Variants in DENND5A observed in about 807,000 individuals in gnomAD.
The protein encoded by DENND5A is DENN domain-containing protein 5A.
A neutral mutation model predicts 140.3 loss-of-function variants in DENND5A; 64 were observed. The ratio of observed to expected loss-of-function variants is 0.46; its 90% CI spans 0.37 to 0.56. DENND5A has a LOEUF of 0.56. Among genes scored for constraint, DENND5A ranks in the 20% least tolerant of loss-of-function variants. The pLI is 0.00. For synonymous variants in DENND5A, 605 were observed against 607.7 expected, an observed-to-expected ratio of 1.00 and a Z score of 0.07; for missense variants, 1,292 against 1,593.8, an observed-to-expected ratio of 0.81 and a Z score of 3.22.
chr11:9,254,622 G>C (rs1851867654), intron 1 of DENND5A, among the ~76,000 whole-genome samples: 1 of 152,138 alleles, frequency 6.6e-6, no homozygotes, highest in African/African-American at 2.4e-5. Context: ...ATGACCACAA[G>C]AATCTGCCCA....
intron 1 of DENND5A, among the ~76,000 whole-genome samples, chr11:9,233,976 G>A (rs1176568659): frequency 6.6e-6 from 1 of 151,898 alleles, no homozygotes; most frequent in Non-Finnish European, 1.5e-5. Flanking sequence ...TCAGGAGTTC[G>A]AGACCAGCCT....
At chr11:9,165,629 T>G (rs2136148997) in intron 11 of DENND5A, among the ~76,000 whole-genome samples, 1 of 152,276 alleles carries the variant, frequency 6.6e-6, no homozygotes, top group South Asian at 2.1e-4. Context: ...AGACAGGATC[T>G]CACTACGTTC....
intron 4 of DENND5A, among the ~76,000 whole-genome samples, chr11:9,195,065 A>G (rs1849275829): frequency 6.9e-6 from 1 of 145,076 alleles, no homozygotes; most frequent in East Asian, 2.1e-4. Context: ...TGGTACAGCC[A>G]ATAAAATTGA....
intron 8 of DENND5A, among the ~76,000 whole-genome samples, chr11:9,177,382 T>C (rs750981778): frequency 6.6e-6 from 1 of 151,324 alleles, no homozygotes; most frequent in African/African-American, 2.4e-5. Context: ...CTGGGTGTGG[T>C]GGTTCATGCG....
chr11:9,247,162 G>A lies in DENND5A; in HGVS notation c.109+17799C>T, dbSNP rs569516702. Among the ~76,000 whole-genome samples, 18 of 151,836 alleles carry A rather than the reference G, an allele frequency of 1.2e-4. No homozygotes were observed. The South Asian group carries it at 1.9e-3, about 16-fold the overall frequency. On this transcript the variant is annotated intron_variant, in intron 1 of 22. Transcript: ENST00000328194. ...GGAGAACGGCGTGAACCCGGGAGGC[G>A]GAGCTTGCAGTGAGCCGAGATCGTG... is the stretch of plus-strand genomic sequence containing the variant.
chr11:9,186,671 A>G (rs1275828006), intron 5 of DENND5A, among the ~76,000 whole-genome samples: 1 of 152,242 alleles, frequency 6.6e-6, no homozygotes, highest in East Asian at 1.9e-4. Flanking sequence ...TAGAGAAGAA[A>G]TATGCCCATG....
chr11:9,163,526 G>C (rs1848062693), intron 11 of DENND5A, among the ~76,000 whole-genome samples: 1 of 152,050 alleles, frequency 6.6e-6, no homozygotes, highest in South Asian at 2.1e-4. Flanking sequence ...GTCCAGGCCA[G>C]TTGTGCAGTG....
intron 5 of DENND5A, among the ~76,000 whole-genome samples, chr11:9,193,096 C>T (rs1849196204): frequency 6.6e-6 from 1 of 152,120 alleles, no homozygotes; most frequent in Non-Finnish European, 1.5e-5. Context: ...GGCATCGTGG[C>T]ACACTCCTTT....
intron 1 of DENND5A, among the ~76,000 whole-genome samples, chr11:9,251,138 C>CAAAAAAA (rs887593530): frequency 2.2e-5 from 2 of 89,990 alleles, no homozygotes; most frequent in East Asian, 4.7e-4. Flanking sequence ...CCATCTCAAA[C>CAAAAAAA]AAAAAAAAAA....
chr11:9,207,410 C>T, intron 2 of DENND5A, 151 bp downstream of exon 2: 1 of 586,082 alleles, frequency 1.7e-6, no homozygotes. Flanking sequence ...CCAAAGAACC[C>T]ACCACCTAGA....
chr11:9,208,330 G>C (rs186443613), intron 1 of DENND5A, among the ~76,000 whole-genome samples: 14 of 152,344 alleles, frequency 9.2e-5, no homozygotes, highest in Admixed American at 8.5e-4. Context: ...ACAGGGTCCT[G>C]TTTGCGTGTG....
chr11:9,227,113 A>C lies in DENND5A; in HGVS notation c.110-19481T>G, dbSNP rs139408937. Among the ~76,000 whole-genome samples, 698 of 152,158 alleles carry C rather than the reference A, an allele frequency of 4.6e-3. 6 individuals carry two copies. The highest frequency in any genetic ancestry group is 0.016 in the African/African-American group (671 of 41,518). On this transcript the variant is annotated intron_variant, in intron 1 of 22. Transcript: ENST00000328194. ...AACCCGGGAGGCAGAGGTTACAGTA[A>C]GGTGAGATCACGCCATTGTACTCCA...
At chr11:9,174,507 A>G (rs1848485027) in intron 8 of DENND5A, among the ~76,000 whole-genome samples, 1 of 149,120 alleles carries the variant, frequency 6.7e-6, no homozygotes. Context: ...TGAATAAAGA[A>G]GGTTATTTCT....
At chr11:9,163,023 C>T (rs1848043570) in intron 11 of DENND5A, among the ~76,000 whole-genome samples, 1 of 152,040 alleles carries the variant, frequency 6.6e-6, no homozygotes, top group African/African-American at 2.4e-5. Context: ...CTTTTTCACT[C>T]GTTTATATTT....
chr11:9,170,789 T>TAC lies in DENND5A; in HGVS notation c.1907-14_1907-13dup, dbSNP rs10550560. 37,306 of 1,574,946 alleles carry TAC rather than the reference T, an allele frequency of 0.024. 54 individuals carry two copies. Among genetic ancestry groups the TAC allele is most frequent in the Non-Finnish European group, 0.025 (28,545 of 1,154,114 alleles). ...CTCAATTGCTTTCTCTGGATGAGAA[T>TAC]ACACACACACACACACACACACACA... On this transcript the variant is annotated splice_polypyrimidine_tract_variant and intron_variant, in intron 8 of 22. Coordinates refer to ENST00000328194, the MANE Select transcript of DENND5A (RefSeq NM_015213.4).
intron 1 of DENND5A, among the ~76,000 whole-genome samples, chr11:9,246,307 T>A (rs372529604): frequency 6.6e-6 from 1 of 152,104 alleles, no homozygotes; most frequent in East Asian, 1.9e-4. Context: ...ACCGGACACA[T>A]AGACCTTAGA....
chr11:9,149,565 A>C (rs1411845815), intron 15 of DENND5A, among the ~76,000 whole-genome samples: 4 of 152,200 alleles, frequency 2.6e-5, no homozygotes, highest in Non-Finnish European at 4.4e-5. Context: ...TGGGAAAGAA[A>C]ACTGAGCCCT....
At chr11:9,153,011 CAAA>C (rs1847677180) in intron 12 of DENND5A, among the ~76,000 whole-genome samples, 1 of 118,840 alleles carries the variant, frequency 8.4e-6, no homozygotes. Context: ...AAAAAAAAAA[CAAA>C]AAAGAAAGAA....
intron 1 of DENND5A, among the ~76,000 whole-genome samples, chr11:9,263,843 C>T (rs1232813937): frequency 1.3e-5 from 1 of 76,002 alleles, no homozygotes; most frequent in Non-Finnish European, 2.8e-5. Flanking sequence ...AGCGAGACTC[C>T]GTCTCAAAAA....
Sources: gnomAD v4.1 joint callset for allele counts (sites outside exome capture counted in the v4.1 genomes callset) on GRCh38, gnomAD v4.1.1 for gene constraint, MANE v1.5 for transcripts, NCBI Gene and HGNC (gene_info 2026-07-23, HGNC 2026-07-21) for gene names.